NECTIN1: variants seen among roughly 807,000 people sequenced by gnomAD.
NECTIN1 encodes the protein nectin cell adhesion molecule 1, also known as nectin-1.
In NECTIN1, 23 loss-of-function variants were observed where a neutral mutation model predicts 48.0. That is an observed-to-expected ratio of 0.48 (90% CI 0.34 to 0.68). The LOEUF (loss-of-function observed/expected upper bound fraction) is 0.68, where lower values mean the gene tolerates loss of function less well. Ranked by LOEUF, NECTIN1 falls within the 30% of genes least tolerant of loss-of-function variation. NECTIN1 has a pLI of 0.01. For missense variants in NECTIN1, 591 were observed against 709.9 expected (o/e 0.83, Z 1.90); for synonymous variants, 270 against 288.9 (o/e 0.93, Z 0.66).
chr11:119,694,893 A>G (rs1207377503), intron 1 of NECTIN1, among the ~76,000 whole-genome samples: 2 of 152,066 alleles, frequency 1.3e-5, no homozygotes, highest in Non-Finnish European at 2.9e-5. Context: ...TACCCCTCCC[A>G]GGGCCCAACC....
At chr11:119,676,835 T>A (rs1487812663) in intron 4 of NECTIN1, 1 of 504,598 alleles carries the variant, frequency 2.0e-6, no homozygotes, top group East Asian at 3.7e-5. Context: ...AAACTCTTTA[T>A]TAGGAAGAGG....
intron 5 of NECTIN1, among the ~76,000 whole-genome samples, chr11:119,668,654 G>A (rs4938706): frequency 0.35 from 52,697 of 152,048 alleles, 9,797 homozygotes; most frequent in Admixed American, 0.45. Context: ...TTTCTCTTTC[G>A]AATTTTTATG....
chr11:119,684,186 C>G lies in NECTIN1; in HGVS notation c.80-5421G>C, dbSNP rs1199869218. On this transcript the variant is annotated intron_variant, in intron 1 of 5. Transcript: ENST00000264025. This position sits in a 1 kb window ranked among gnomAD's most constrained non-coding sequence, Gnocchi z 5.2. ...CCTAGCCAAGCAGGCTGGAACTGGGCTCAGGGGTAGGTGAAAGTGGGTACC... is the reference window on the plus strand; with the variant it reads ...CCTAGCCAAGCAGGCTGGAACTGGGGTCAGGGGTAGGTGAAAGTGGGTACC... Among the ~76,000 whole-genome samples, 2 of 152,230 alleles carry G rather than the reference C, an allele frequency of 1.3e-5. No homozygotes were observed. Among genetic ancestry groups the G allele is most frequent in the East Asian group, 3.9e-4 (2 of 5,186 alleles).
intron 5 of NECTIN1, chr11:119,640,065 A>AAGAGAGTCAGAGATGTG: frequency 6.6e-7 from 1 of 1,525,340 alleles, no homozygotes; most frequent in Non-Finnish European, 8.9e-7. Context: ...AAGTGACCCA[A>AAGAGAGTCAGAGATGTG]AGAGAGTCAG....
rs527598226 is a variant in NECTIN1, at chr11:119,693,766, A to G, written c.80-15001T>C. ...CTTCCCCAGCAGAGGCTACTGGGAT[A>G]GCACACCAAATTAGCTTAATGAGTG... On this transcript the variant is annotated intron_variant, in intron 1 of 5. Transcript: ENST00000264025. Among the ~76,000 whole-genome samples, 11 of 152,310 alleles carry G rather than the reference A, an allele frequency of 7.2e-5. No homozygotes were observed. The East Asian group carries it at 2.1e-3, about 29-fold the overall frequency.
In NECTIN1 at chr11:119,662,795, A is replaced by G; in HGVS notation, c.*1952T>C. The G allele has an allele frequency of 1.0e-6, 1 of 986,012 alleles. No homozygotes were observed. The highest frequency in any genetic ancestry group is 1.2e-6 in the Non-Finnish European group (1 of 830,286). The allele number at this position is 986,012 out of a possible 1,614,324, so 61.1% of individuals were successfully genotyped here. A position where few individuals can be genotyped will look rare whatever the true frequency, so the allele number is the denominator to read the frequency against. On this transcript the variant is annotated 3_prime_UTR_variant, in exon 6 of 6. Coordinates refer to ENST00000264025, the MANE Select transcript of NECTIN1 (RefSeq NM_002855.5). The surrounding 1 kb of genome is among the most constrained non-coding windows in gnomAD (Gnocchi z 5.3). ...CTCCCTCTGCCCTGTGGCTGGAAAG[A>G]CTCCACAATTTTCTCCCCTAACTTC...
intron 5 of NECTIN1, among the ~76,000 whole-genome samples, chr11:119,655,109 C>T (rs565547891): frequency 5.5e-4 from 83 of 150,604 alleles, no homozygotes; most frequent in Non-Finnish European, 1.6e-4. Flanking sequence ...TGGGGTTTCA[C>T]CATGTTGGCC....
At chr11:119,680,597 G>A (rs1374400366) in intron 1 of NECTIN1, among the ~76,000 whole-genome samples, 1 of 152,230 alleles carries the variant, frequency 6.6e-6, no homozygotes, top group African/African-American at 2.4e-5. Context: ...CACAGGCCAG[G>A]TCTCTAGGTC....
At position 119,672,598 on chromosome 11, in the gene NECTIN1, G is replaced by A. The variant is rs753817346; in HGVS notation, c.1003+2561C>T. On this transcript the variant is annotated intron_variant, in intron 5 of 5. Coordinates refer to ENST00000264025, the MANE Select transcript of NECTIN1 (RefSeq NM_002855.5). This position sits in a 1 kb window ranked among gnomAD's most constrained non-coding sequence, Gnocchi z 4.3. ...GTGGCAGCTCCTAACGGGTGTGCCG[G>A]TGCCATCCACACAGCCCCCTGAATG... is the stretch of plus-strand genomic sequence containing the variant. Among the ~76,000 whole-genome samples, 39 of 152,268 alleles carry A rather than the reference G, an allele frequency of 2.6e-4. No individual in the cohort carries two copies. The highest frequency in any genetic ancestry group is 4.7e-4 in the Non-Finnish European group (32 of 68,006).
At chr11:119,722,442 C>T (rs1275935804) in intron 1 of NECTIN1, among the ~76,000 whole-genome samples, 1 of 152,244 alleles carries the variant, frequency 6.6e-6, no homozygotes, top group Non-Finnish European at 1.5e-5. Flanking sequence ...GGTCCATCTT[C>T]CCCTCAAATG....
At chr11:119,656,082 A>G (rs544274162), downstream of NECTIN1, among the ~76,000 whole-genome samples, 26 of 151,730 alleles carry the variant, frequency 1.7e-4, 1 homozygote, top group South Asian at 1.5e-3. Context: ...CTTTGTAGAG[A>G]TGCAAGTCTC....
At chr11:119,670,191 C>T (rs1050632875) in intron 5 of NECTIN1, among the ~76,000 whole-genome samples, 3 of 152,154 alleles carry the variant, frequency 2.0e-5, no homozygotes, top group Non-Finnish European at 4.4e-5. Context: ...CACTCCTGAC[C>T]TCAGATGATC....
chr11:119,714,490 C>A (rs1359122216), intron 1 of NECTIN1, among the ~76,000 whole-genome samples: 4 of 152,282 alleles, frequency 2.6e-5, no homozygotes, highest in African/African-American at 2.4e-5. Context: ...CATCCATCCC[C>A]CATGGCGGTG....
downstream of NECTIN1, among the ~76,000 whole-genome samples, chr11:119,656,948 C>G (rs915279512): frequency 2.6e-5 from 4 of 152,184 alleles, no homozygotes; most frequent in Non-Finnish European, 4.4e-5. Flanking sequence ...CCCCTTCTGA[C>G]AGGTGCCCAG....
intron 1 of NECTIN1, among the ~76,000 whole-genome samples, chr11:119,704,771 G>C (rs370255276): frequency 1.3e-5 from 2 of 152,156 alleles, no homozygotes; most frequent in South Asian, 2.1e-4. Flanking sequence ...GGCTCTCTCC[G>C]GGCAGGTGAG....
chr11:119,673,808 C>T lies in NECTIN1; in HGVS notation c.1003+1351G>A, dbSNP rs562597265. Among the ~76,000 whole-genome samples, 13 of 152,312 alleles carry T rather than the reference C, an allele frequency of 8.5e-5. No individual in the cohort carries two copies. Among genetic ancestry groups the T allele is most frequent in the African/African-American group, 2.9e-4 (12 of 41,570 alleles). On this transcript the variant is annotated intron_variant, in intron 5 of 5. Transcript: ENST00000264025. The surrounding 1 kb of genome is among the most constrained non-coding windows in gnomAD (Gnocchi z 5.8). ...TTTTGAGCTGTACTTGGACCTTCCC[C>T]GCTGGGGAGAAGTGTGTGACACCGG...
chr11:119,647,952 T>C (rs1565376067), intron 5 of NECTIN1, among the ~76,000 whole-genome samples: 1 of 148,096 alleles, frequency 6.8e-6, no homozygotes, highest in East Asian at 2.0e-4. Flanking sequence ...TAATCCCAGC[T>C]ACTCAGGAGG....
rs59735262 is a variant in NECTIN1, at chr11:119,667,955, G to A, written c.1004-2658C>T. ...ATAGGGGGGTCGAGATGTTGGCTTA[G>A]ACAAAAGCATCAGAGCCTGTTACCT... On this transcript the variant is annotated intron_variant, in intron 5 of 5. Coordinates refer to ENST00000264025, the MANE Select transcript of NECTIN1 (RefSeq NM_002855.5). Among the ~76,000 whole-genome samples the A allele has an allele frequency of 6.3e-3, 964 of 152,294 alleles. 11 individuals are homozygous for A. Among genetic ancestry groups the A allele is most frequent in the African/African-American group, 0.022 (924 of 41,548 alleles).
At chr11:119,651,726 C>T (rs1195728732) in intron 5 of NECTIN1, among the ~76,000 whole-genome samples, 1 of 152,156 alleles carries the variant, frequency 6.6e-6, no homozygotes, top group East Asian at 1.9e-4. Flanking sequence ...TCACCCCAGG[C>T]ACCTGGGCTC....
Sources: allele counts gnomAD v4.1 joint callset (sites outside exome capture counted in the v4.1 genomes callset), GRCh38; gene constraint gnomAD v4.1.1; non-coding constraint Gnocchi (gnomAD v3.1); transcripts MANE v1.5; gene names NCBI Gene and HGNC (gene_info 2026-07-23, HGNC 2026-07-21).